PACS2: variants seen among roughly 807,000 people sequenced by gnomAD.
PACS2 encodes phosphofurin acidic cluster sorting protein 2, also known as PACS1-like protein.
Under a neutral mutation model 113.0 loss-of-function variants are expected in PACS2, and 36 were observed. The ratio of observed to expected loss-of-function variants is 0.32; its 90% CI spans 0.24 to 0.42. The LOEUF is 0.42. Ranked by LOEUF, PACS2 falls within the 10% of genes least tolerant of loss-of-function variation. PACS2 has a pLI of 1.00. For synonymous variants in PACS2, 589 were observed against 536.1 expected (o/e 1.10, Z -1.36); for missense variants, 1,015 against 1,239.5 (o/e 0.82, Z 2.72).
chr14:105,377,722 C>T (rs1289055798), intron 9 of PACS2, among the ~76,000 whole-genome samples: 1 of 152,272 alleles, frequency 6.6e-6, no homozygotes, highest in Non-Finnish European at 1.5e-5. Context: ...AGCCCCAGCC[C>T]AACTTGCTGC....
At chr14:105,353,512 A>G (rs2060316176) in intron 3 of PACS2, among the ~76,000 whole-genome samples, 1 of 152,068 alleles carries the variant, frequency 6.6e-6, no homozygotes, top group Non-Finnish European at 1.5e-5. Flanking sequence ...GTTACTGCAG[A>G]TCTTCTGTTG....
At chr14:105,372,074 C>G (rs1227182629) in intron 8 of PACS2, 1 of 152,222 alleles carries the variant, frequency 6.6e-6, no homozygotes, top group Non-Finnish European at 1.5e-5. Flanking sequence ...TTTGGGGGTA[C>G]AAACGTTCAC....
chr14:105,341,087 A>G (rs1555401485), intron 1 of PACS2, among the ~76,000 whole-genome samples: 1 of 152,238 alleles, frequency 6.6e-6, no homozygotes, highest in East Asian at 1.9e-4. Context: ...AGGGGAAGAA[A>G]CGGGGCTGGC....
intron 9 of PACS2, among the ~76,000 whole-genome samples, chr14:105,379,460 G>A (rs1399465525): frequency 6.6e-6 from 1 of 152,208 alleles, no homozygotes; most frequent in Non-Finnish European, 1.5e-5. Flanking sequence ...TCAGGGGTGT[G>A]TGTTTCCTGC....
chr14:105,331,268 A>C (rs587747509), intron 1 of PACS2, among the ~76,000 whole-genome samples: 96 of 152,272 alleles, frequency 6.3e-4, no homozygotes, highest in African/African-American at 2.3e-3. Flanking sequence ...GTTGGCTTTT[A>C]ACTGGCAAGT....
chr14:105,335,451 G>A (rs1347843220), intron 1 of PACS2, among the ~76,000 whole-genome samples: 3 of 152,000 alleles, frequency 2.0e-5, no homozygotes, highest in African/African-American at 4.8e-5. Context: ...TGGCTCTGAC[G>A]CTGTGGCCGG....
Position 105,355,153 on chromosome 14 carries a change from C to T in PACS2, c.399C>T (p.Ala133=), listed in dbSNP as rs782569931. 23 of 1,613,390 alleles carry T rather than the reference C, an allele frequency of 1.4e-5. No individual in the cohort carries two copies. In the South Asian group the frequency reaches 1.6e-4, roughly 12 times the overall value. Residue 133 remains alanine (A), a synonymous_variant, in exon 4 of 25, where the codon GCC becomes GCT. Transcript: ENST00000447393. This position sits in a 1 kb window ranked among gnomAD's most constrained non-coding sequence, Gnocchi z 4.1. ...CCATCCTGGGCTACAAGACGCTGGC[C>T]GCGGGCTCCATCAGCATGGCTGAGG... ...NRTILGYKTL[A]AGSISMAEVM... is the part of the protein sequence containing the mutation.
chr14:105,316,927 A>G (rs1240749132), intron 1 of PACS2, among the ~76,000 whole-genome samples: 1 of 152,182 alleles, frequency 6.6e-6, no homozygotes, highest in African/African-American at 2.4e-5. Context: ...CCAGGTGGGC[A>G]GATGCAGTTT....
chr14:105,361,426 C>T (rs1296546949), intron 4 of PACS2, among the ~76,000 whole-genome samples: 1 of 152,232 alleles, frequency 6.6e-6, no homozygotes, highest in Non-Finnish European at 1.5e-5. Context: ...TACCTGAGGT[C>T]AGGAGTTTGA....
intron 16 of PACS2, chr14:105,383,938 ACTT>A: frequency 3.7e-6 from 1 of 270,788 alleles, no homozygotes; most frequent in Non-Finnish European, 7.0e-6. Context: ...GAACTCCATT[ACTT>A]CTTTAGGTCC....
rs587746759 is a variant in PACS2, at chr14:105,354,122, A to G, written c.298-930A>G. 4.6e-5 allele frequency among the ~76,000 whole-genome samples: 7 copies of G among 152,108 alleles called. No homozygotes were observed. The highest frequency in any genetic ancestry group is 1.7e-4 in the African/African-American group (7 of 41,502). ...AGAGAATATAATAACGAGGGCAAAA[A>G]AACACTTACTGAGTCAAGGCTATTT... is the stretch of plus-strand genomic sequence containing the variant. On this transcript the variant is annotated intron_variant, in intron 3 of 24. Transcript: ENST00000447393. The surrounding 1 kb of genome is among the most constrained non-coding windows in gnomAD (Gnocchi z 4.2).
In PACS2 at chr14:105,315,011, C is replaced by T. The variant is rs1480100443; in HGVS notation, c.93C>T (p.Asp31=). 9 of 1,245,554 alleles carry T rather than the reference C, an allele frequency of 7.2e-6. No individual in the cohort carries two copies. The highest frequency in any genetic ancestry group is 4.9e-5 in the East Asian group (1 of 20,616). The allele number at this position is 1,245,554 out of a possible 1,614,324, so 77.2% of individuals were successfully genotyped here. A position where few individuals can be genotyped will look rare whatever the true frequency, so the allele number is the denominator to read the frequency against. ...PMNLFATWEV[D]GSSPSCVPRL... The stretch of plus-strand genomic sequence containing the variant: ...ACCTGTTCGCCACCTGGGAGGTGGA[C>T]GGCTCCAGCCCCAGCTGCGTGCCCA... Residue 31 remains aspartate (D), a synonymous_variant, in exon 1 of 25, where the codon GAC becomes GAT. Transcript: ENST00000447393. The surrounding 1 kb of genome is among the most constrained non-coding windows in gnomAD (Gnocchi z 4.4).
At chr14:105,363,942 T>A (rs8010649) in intron 4 of PACS2, among the ~76,000 whole-genome samples, 2 of 151,784 alleles carry the variant, frequency 1.3e-5, no homozygotes, top group Non-Finnish European at 2.9e-5. Context: ...GAGACAGACA[T>A]GGGAATGGCC....
intron 1 of PACS2, among the ~76,000 whole-genome samples, chr14:105,316,681 C>G (rs1017238922): frequency 6.6e-6 from 1 of 152,002 alleles, no homozygotes; most frequent in African/African-American, 2.4e-5. Flanking sequence ...CTAGAAAGCC[C>G]ACTCTGGTGT....
intron 7 of PACS2, 93 bp from the exon 8 acceptor site, chr14:105,369,748 G>C (rs1176766573): frequency 3.7e-6 from 4 of 1,084,282 alleles, no homozygotes; most frequent in Non-Finnish European, 5.4e-6. Context: ...CTCCCACGGC[G>C]GGCCTGGGTG....
chr14:105,315,032 G>T lies in PACS2; in HGVS notation c.114G>T (p.Val38=). 8.3e-7 allele frequency: 1 copy of T among 1,201,926 alleles called. No homozygotes were observed. Among genetic ancestry groups the T allele is most frequent in the Non-Finnish European group, 1.0e-6 (1 of 953,772 alleles). 74.5% of individuals were successfully genotyped at this position (1,201,926 alleles called of 1,614,324 possible). A position where few individuals can be genotyped will look rare whatever the true frequency, so the allele number is the denominator to read the frequency against. The change falls in exon 1 of 25, where the codon GTG becomes GTT. Residue 38 remains valine (V), a synonymous_variant. Coordinates refer to ENST00000447393, the MANE Select transcript of PACS2 (RefSeq NM_001100913.3). This position sits in a 1 kb window ranked among gnomAD's most constrained non-coding sequence, Gnocchi z 4.4. ...WEVDGSSPSC[V]PRLCSLTLKK... ...TGGACGGCTCCAGCCCCAGCTGCGT[G>T]CCCAGGTACGCGCCGCCCGCCGCGC...
intron 1 of PACS2, among the ~76,000 whole-genome samples, chr14:105,335,709 C>T (rs1443643887): frequency 2.6e-5 from 4 of 152,210 alleles, no homozygotes; most frequent in South Asian, 2.1e-4. Flanking sequence ...CACTGGCCAA[C>T]GAGGACACTG....
intron 1 of PACS2, among the ~76,000 whole-genome samples, chr14:105,319,607 G>A (rs1682256117): frequency 6.6e-6 from 1 of 152,140 alleles, no homozygotes; most frequent in Non-Finnish European, 1.5e-5. Flanking sequence ...TTTTCAAAAT[G>A]TATGTTTTGT....
chr14:105,383,226 C>A, intron 15 of PACS2, 133 bp from the exon 16 acceptor site: 3 of 1,027,866 alleles, frequency 2.9e-6, no homozygotes, highest in Non-Finnish European at 4.5e-6. Context: ...TGGGCTTGGG[C>A]AGCTCCAGGG....
Sources: allele counts gnomAD v4.1 joint callset (sites outside exome capture counted in the v4.1 genomes callset), GRCh38; gene constraint gnomAD v4.1.1; non-coding constraint Gnocchi (gnomAD v3.1); transcripts MANE v1.5; gene names NCBI Gene and HGNC (gene_info 2026-07-23, HGNC 2026-07-21).